The following IRS2 variants were observed in gnomAD, a reference collection of about 807,000 sequenced individuals.
The protein encoded by IRS2 is insulin receptor substrate 2.
In IRS2, 28 loss-of-function variants were observed where a neutral mutation model predicts 70.9. The ratio of observed to expected loss-of-function variants is 0.39; its 90% confidence interval spans 0.29 to 0.54. The LOEUF (loss-of-function observed/expected upper bound fraction) is 0.54. Among genes scored for constraint, IRS2 ranks in the 20% least tolerant of loss-of-function variants. The pLI is 0.59. For synonymous variants in IRS2, 1,217 were observed against 981.9 expected, an observed-to-expected ratio of 1.24 and a Z score of -4.48; for missense variants, 2,081 against 2,024.1, an observed-to-expected ratio of 1.03 and a Z score of -0.54.
At chr13:109,771,537 G>C (rs1877451347) in intron 1 of IRS2, among the ~76,000 whole-genome samples, 1 of 152,164 alleles carries the variant, frequency 6.6e-6, no homozygotes, top group Non-Finnish European at 1.5e-5. Flanking sequence ...ATTTGTACAA[G>C]TCTCAGCACA....
intron 1 of IRS2, among the ~76,000 whole-genome samples, chr13:109,763,443 A>G (rs1255362213): frequency 1.3e-5 from 2 of 152,250 alleles, no homozygotes; most frequent in Non-Finnish European, 2.9e-5. Flanking sequence ...TTGATTTTTC[A>G]TGCATAACAC....
chr13:109,774,135 T>A (rs1877519427), intron 1 of IRS2, among the ~76,000 whole-genome samples: 1 of 152,244 alleles, frequency 6.6e-6, no homozygotes, highest in African/African-American at 2.4e-5. Flanking sequence ...TTTTAATGTA[T>A]TTGATGGTGG....
rs1877057560 is a variant in IRS2 at position 109,754,355 on chromosome 13, A to G, written c.*1949T>C. ...TTAAGCTGCAGTATGAACACGAACC[A>G]TCTGTATAGTGTCATGACTACTCTA... On this transcript the variant is annotated 3_prime_UTR_variant, in exon 2 of 2. Transcript: ENST00000375856. 1.4e-5 allele frequency: 3 copies of G among 215,178 alleles called. No individual in the cohort carries two copies. The highest frequency in any genetic ancestry group is 5.8e-5 in the Admixed American group (1 of 17,106). 13.3% of individuals were successfully genotyped at this position (215,178 alleles called of 1,614,324 possible). A position where few individuals can be genotyped will look rare whatever the true frequency, so the allele number is the denominator to read the frequency against.
At position 109,755,214 on chromosome 13, in the gene IRS2, C is replaced by CTTTTTTTTTTTTTTCTTTTTTT. The variant is rs375324802; in HGVS notation, c.*1089_*1090insAAAAAAAGAAAAAAAAAAAAAA. The CTTTTTTTTTTTTTTCTTTTTTT allele has an allele frequency of 1.5e-5, 3 of 194,034 alleles. No homozygotes were observed. The highest frequency in any genetic ancestry group is 3.1e-5 in the Non-Finnish European group (3 of 98,340). 12.0% of individuals were successfully genotyped at this position (194,034 alleles called of 1,614,324 possible). A position where few individuals can be genotyped will look rare whatever the true frequency, so the allele number is the denominator to read the frequency against. On this transcript the variant is annotated 3_prime_UTR_variant, in exon 2 of 2. Transcript: ENST00000375856. Reference sequence around the variant, plus strand: ...CTCTTTTTATCAGTTTCTTTCTTTCCTTTTTTTTTTTTCTTTTTGTTTTTT... The same window carrying CTTTTTTTTTTTTTTCTTTTTTT: ...CTCTTTTTATCAGTTTCTTTCTTTCCTTTTTTTTTTTTTTCTTTTTTTTTTTTTTTTTTTCTTTTTGTTTTTT...
Position 109,783,344 on chromosome 13 carries a change from TGCTGGGCAG to T in IRS2, c.2701_2709del (p.Leu901_Ser903del), listed in dbSNP as rs752700578. ...TCCGGTGGCAGTGGGTACTCGTGCA[TGCTGGGCAG>T]GCTGGGCAGCCCCTCCAGGGACAGG... On this transcript the variant is annotated inframe_deletion, in exon 1 of 2. Transcript: ENST00000375856. The T allele has an allele frequency of 2.0e-4, 317 of 1,557,514 alleles. No homozygotes were observed. Among genetic ancestry groups the T allele is most frequent in the Admixed American group, 2.3e-4 (13 of 55,556 alleles).
rs2138935582 is a variant in IRS2, at chr13:109,784,367, C to T, written c.1687G>A (p.Ala563Thr). 1 of 1,609,756 alleles carries T rather than the reference C, an allele frequency of 6.2e-7. No homozygotes were observed. The highest frequency in any genetic ancestry group is 8.5e-7 in the Non-Finnish European group (1 of 1,179,406). The change falls in exon 1 of 2, where the codon GCG becomes ACG. Residue 563 changes from alanine (A) to threonine (T), a missense_variant. Coordinates refer to ENST00000375856, the MANE Select transcript of IRS2 (RefSeq NM_003749.3). The surrounding 1 kb of genome is among the most constrained non-coding windows in gnomAD (Gnocchi z 5.2). ...GRSYRRVSGD[A>T]AQDLDRGLRK... ...AGCCCTCGGTCCAGGTCCTGGGCCG[C>T]GTCCCCCGAGACCCGGCGGTAGGAG... is the stretch of plus-strand genomic sequence containing the variant.
chr13:109,779,367 T>C (rs1274609729), intron 1 of IRS2, among the ~76,000 whole-genome samples: 4 of 152,234 alleles, frequency 2.6e-5, no homozygotes, highest in African/African-American at 9.6e-5. Flanking sequence ...CTTTCTCTAT[T>C]TCATCTTCAA....
intron 1 of IRS2, among the ~76,000 whole-genome samples, chr13:109,757,250 C>T (rs960796572): frequency 2.0e-5 from 3 of 152,190 alleles, no homozygotes; most frequent in South Asian, 2.1e-4. Flanking sequence ...ACCAAAATGA[C>T]ATACTGTTCA....
chr13:109,785,049 C>G lies in IRS2; in HGVS notation c.1005G>C (p.Gln335His). The change falls in exon 1 of 2, where the codon CAG becomes CAC. Residue 335 changes from glutamine to histidine, a missense_variant. Coordinates refer to ENST00000375856, the MANE Select transcript of IRS2 (RefSeq NM_003749.3). The surrounding 1 kb of genome is among the most constrained non-coding windows in gnomAD (Gnocchi z 9.3). Reference protein sequence around the residue: ...HHHLVNLPPSQTGLVRRSRTD... With the variant: ...HHHLVNLPPSHTGLVRRSRTD... ...TGCGCGAGCGGCGCACCAGGCCCGT[C>G]TGGCTGGGGGGCAGGTTGACCAGGT... 6.4e-7 allele frequency: 1 copy of G among 1,552,862 alleles called. No individual in the cohort carries two copies.
chr13:109,772,993 C>T (rs1347116270), intron 1 of IRS2, among the ~76,000 whole-genome samples: 4 of 152,154 alleles, frequency 2.6e-5, no homozygotes, highest in African/African-American at 9.7e-5. Context: ...CCGCGCCCGG[C>T]CGCCTATTAC....
Position 109,756,076 on chromosome 13 carries a change from C to CTTGT in IRS2, c.*227_*228insACAA, listed in dbSNP as rs1877101106. 2.0e-6 allele frequency: 1 copy of CTTGT among 491,214 alleles called. No homozygotes were observed. The highest frequency in any genetic ancestry group is 3.7e-6 in the Non-Finnish European group (1 of 273,702). 30.4% of individuals were successfully genotyped at this position (491,214 alleles called of 1,614,324 possible). A position where few individuals can be genotyped will look rare whatever the true frequency, so the allele number is the denominator to read the frequency against. On this transcript the variant is annotated 3_prime_UTR_variant, in exon 2 of 2. Transcript: ENST00000375856. ...TTTGTTAAAACAAAACAAAACAAAA[C>CTTGT]GCAAACAGCACAATGATGAATGCCC...
rs2138940186 is a variant in IRS2 at position 109,786,099 on chromosome 13, T to G, written c.-46A>C. 4 of 999,312 alleles carry G rather than the reference T, an allele frequency of 4.0e-6. No individual in the cohort carries two copies. Among genetic ancestry groups the G allele is most frequent in the Non-Finnish European group, 3.6e-6 (3 of 841,008 alleles). The allele number at this position is 999,312 out of a possible 1,614,324, so 61.9% of individuals were successfully genotyped here. On this transcript the variant is annotated 5_prime_UTR_variant, in exon 1 of 2. Coordinates refer to ENST00000375856, the MANE Select transcript of IRS2 (RefSeq NM_003749.3). This position sits in a 1 kb window ranked among gnomAD's most constrained non-coding sequence, Gnocchi z 4.4. ...CGGCCCGGGCCCGGCGCCCAGGGGT[T>G]GGGGCGAGGGGCGGAGGGGGCGCGG...
chr13:109,769,819 T>C (rs1205935932), intron 1 of IRS2, among the ~76,000 whole-genome samples: 1 of 152,270 alleles, frequency 6.6e-6, no homozygotes, highest in African/African-American at 2.4e-5. Flanking sequence ...ATAGTCTATA[T>C]GCAACAATTG....
Position 109,767,721 on chromosome 13 carries a change from A to ATTTTTCCT in IRS2, c.4013-11421_4013-11414dup, listed in dbSNP as rs1418088527. On this transcript the variant is annotated intron_variant, in intron 1 of 1. Transcript: ENST00000375856. ...TCCATTCTGGAAAATCAGCTCGACC[A>ATTTTTCCT]TTTTTCCTTTTTTTTTTTTTTTTTT... 1.5e-3 allele frequency among the ~76,000 whole-genome samples: 179 copies of ATTTTTCCT among 123,114 alleles called. 1 individual carries two copies. The highest frequency in any genetic ancestry group is 2.8e-3 in the Non-Finnish European group (161 of 58,262). The allele number at this position is 123,114 out of a possible 152,430, so 80.8% of individuals were successfully genotyped here.
intron 1 of IRS2, among the ~76,000 whole-genome samples, chr13:109,780,366 G>A: frequency 6.6e-6 from 1 of 152,188 alleles, no homozygotes. Context: ...TAGTGTATAA[G>A]TAACTCCAAC....
chr13:109,770,307 G>A (rs1182717595), intron 1 of IRS2, among the ~76,000 whole-genome samples: 1 of 152,190 alleles, frequency 6.6e-6, no homozygotes, highest in Non-Finnish European at 1.5e-5. Context: ...CTGACAATGG[G>A]GAAGTTTCTG....
At position 109,782,325 on chromosome 13, in the gene IRS2, G is replaced by C. The variant is rs756600027; in HGVS notation, c.3729C>G (p.Thr1243=). The C allele has an allele frequency of 1.9e-6, 3 of 1,611,686 alleles. No individual in the cohort carries two copies. Among genetic ancestry groups the C allele is most frequent in the African/African-American group, 2.7e-5 (2 of 74,846 alleles). The change falls in exon 1 of 2, where the codon ACC becomes ACG. Residue 1243 remains threonine (T), a synonymous_variant. Coordinates refer to ENST00000375856, the MANE Select transcript of IRS2 (RefSeq NM_003749.3). ...TGAGACCATTCTGGAAGCCGGCAGA[G>C]GTCTCTCTGCGCATGGGCGATCCAC... The part of the protein sequence containing the change: ...GSGGSPMRRE[T]SAGFQNGLNY...
chr13:109,782,006 C>T (rs779674598), intron 1 of IRS2, 36 bp downstream of exon 1: 5 of 1,607,334 alleles, frequency 3.1e-6, no homozygotes, highest in Non-Finnish European at 4.2e-6. Flanking sequence ...CCCGCCCCTC[C>T]TTCCCGCCAG....
At chr13:109,766,962 A>G (rs958139421) in intron 1 of IRS2, among the ~76,000 whole-genome samples, 2 of 152,270 alleles carry the variant, frequency 1.3e-5, no homozygotes, top group South Asian at 2.1e-4. Context: ...TACATTCTTT[A>G]GCCTCGGTAG....
Sources: allele counts gnomAD v4.1 joint callset (sites outside exome capture counted in the v4.1 genomes callset), GRCh38; gene constraint gnomAD v4.1.1; non-coding constraint Gnocchi (gnomAD v3.1); transcripts MANE v1.5; gene names NCBI Gene and HGNC (gene_info 2026-07-23, HGNC 2026-07-21).